Variants in SYP observed in about 807,000 individuals in gnomAD.
SYP encodes synaptophysin.
Under a neutral mutation model 24.3 loss-of-function variants are expected in SYP, and 2 were observed. The observed-to-expected ratio is 0.08, with a 90% CI of 0.03 to 0.26. SYP has a LOEUF of 0.26. SYP is among the 10% of genes least tolerant of loss of function. SYP has a pLI of 1.00. For synonymous variants in SYP, 143 were observed against 123.2 expected, an observed-to-expected ratio of 1.16 and a Z score of -1.07; for missense variants, 216 against 266.3, an observed-to-expected ratio of 0.81 and a Z score of 1.32.
intron 2 of SYP, chrX:49,198,121 GTCTCTGTTTCTCTCGGTA>G: frequency 5.5e-6 from 2 of 365,699 alleles, no homozygotes; most frequent in Non-Finnish European, 9.6e-6. Context: ...ATCTCACTGT[GTCTCTGTTTCTCTCGGTA>G]TCTCTGTTTC....
At chrX:49,191,851 G>C in intron 5 of SYP, 88 bp from the exon 6 acceptor site, 3 of 1,006,310 alleles carry the variant, frequency 3.0e-6, no homozygotes, top group South Asian at 2.0e-5. Flanking sequence ...GAATGAATCC[G>C]TAGGCTCCGC....
intron 2 of SYP, chrX:49,198,206 C>T (rs1385325204): frequency 1.6e-5 from 4 of 245,106 alleles, no homozygotes; most frequent in Non-Finnish European, 2.2e-5. Flanking sequence ...CTCTGATCCT[C>T]TCTGCCTCTG....
rs2065539638 is a variant in SYP, at chrX:49,198,964, T to C, written c.102+4A>G. 1 of 1,208,087 alleles carries C rather than the reference T, an allele frequency of 8.3e-7. No individual in the cohort carries two copies. Among genetic ancestry groups the C allele is most frequent in the African/African-American group, 1.8e-5 (1 of 56,592 alleles). On this transcript the variant is annotated splice_donor_region_variant and intron_variant, in intron 2 of 6. Transcript: ENST00000263233. Reference sequence around the variant, plus strand: ...TCTGCCCCAACAGCCCGGACCACACTCACCCATTGCAGCACCTTCACAAAG... The same window carrying C: ...TCTGCCCCAACAGCCCGGACCACACCCACCCATTGCAGCACCTTCACAAAG...
At chrX:49,192,072 AAT>A (rs2065511910) in intron 5 of SYP, among the ~76,000 whole-genome samples, 1 of 113,146 alleles carries the variant, frequency 8.8e-6, no homozygotes, top group South Asian at 3.5e-4. Context: ...GTAAATTTGT[AAT>A]ATATTCATAG....
chrX:49,191,478 C>T lies in SYP; in HGVS notation c.901G>A (p.Gly301Ser). ...PQGDYGQQGY[G>S]PQGAPTSFSN... The stretch of plus-strand genomic sequence containing the variant: ...AAGGAGGTGGGTGCACCCTGCGGGC[C>T]GTAGCCTTGCTGCCCATAGTCGCCC... The change falls in exon 6 of 7, where the codon GGC (glycine) becomes AGC (serine). Residue 301 changes from glycine to serine, a missense_variant. By Grantham distance (56) the Gly-to-Ser change is moderately conservative. Coordinates refer to ENST00000263233, the MANE Select transcript of SYP (RefSeq NM_003179.3). 3.3e-6 allele frequency: 4 copies of T among 1,211,568 alleles called. No individual in the cohort carries two copies. Among genetic ancestry groups the T allele is most frequent in the South Asian group, 1.8e-5 (1 of 56,964 alleles).
At chrX:49,192,649 AG>A (rs1337121607) in intron 5 of SYP, among the ~76,000 whole-genome samples, 1 of 112,287 alleles carries the variant, frequency 8.9e-6, no homozygotes, top group African/African-American at 3.2e-5. Context: ...GAGGCCCTAG[AG>A]GCTAAGTTAC....
At position 49,191,589 on chromosome X, in the gene SYP, G is replaced by T. The variant is rs782677031; in HGVS notation, c.790C>A (p.Pro264Thr). 8.3e-7 allele frequency: 1 copy of T among 1,209,355 alleles called. No homozygotes were observed. The highest frequency in any genetic ancestry group is 1.1e-6 in the Non-Finnish European group (1 of 894,769). The stretch of plus-strand genomic sequence containing the variant: ...CCCTGAGGCCCGTAGGAATCCTGGG[G>T]CCCGTACCCGCCGGGGCCCTGCCCG... The part of the protein sequence containing the change: ...GYGQGPGGYG[P>T]QDSYGPQGGY... Residue 264 changes from proline (P) to threonine (T), a missense_variant, in exon 6 of 7, where the codon CCC becomes ACC. Pro to Thr is a conservative substitution (Grantham distance 38). Transcript: ENST00000263233.
chrX:49,191,332 A>G (rs1557102659), intron 6 of SYP, 101 bp downstream of exon 6: 4 of 996,392 alleles, frequency 4.0e-6, no homozygotes, highest in Non-Finnish European at 5.5e-6. Context: ...TGCCCCAGTA[A>G]ACGCCTTACG....
chrX:49,197,901 C>T, intron 2 of SYP, 62 bp from the exon 3 acceptor site: 1 of 1,195,927 alleles, frequency 8.4e-7, no homozygotes, highest in Non-Finnish European at 1.1e-6. Flanking sequence ...GGGAGGTGCC[C>T]TCCTCTGGAC....
chrX:49,196,423 C>A (rs1263230958), intron 3 of SYP, among the ~76,000 whole-genome samples: 1 of 111,655 alleles, frequency 9.0e-6, no homozygotes. Flanking sequence ...ACTCGAAGAC[C>A]CCCAGTTTCC....
At position 49,194,174 on chromosome X, in the gene SYP, G is replaced by A. The variant is rs1557103132; in HGVS notation, c.415C>T (p.Pro139Ser). Residue 139 changes from proline (P) to serine (S), a missense_variant, in exon 4 of 7, where the codon CCC (proline) becomes TCC (serine). This residue lies in a region of SYP where 102 missense variants were observed against 158.4 expected (regional missense o/e 0.64). Transcript: ENST00000263233. ...TGGCTGTGGGGACTCACCAGCATGG[G>A]CCCTTTGTTATTCTCTCGGTACTTG... ...QNKYRENNKG[P>S]MLDFLATAVF... The A allele has an allele frequency of 2.5e-6, 3 of 1,211,302 alleles. No individual in the cohort carries two copies. Among genetic ancestry groups the A allele is most frequent in the Non-Finnish European group, 3.4e-6 (3 of 895,392 alleles).
intron 6 of SYP, among the ~76,000 whole-genome samples, chrX:49,189,899 G>A (rs921512437): frequency 8.9e-6 from 1 of 111,862 alleles, no homozygotes; most frequent in Middle Eastern, 4.6e-3. Flanking sequence ...GATGCTGTGA[G>A]TAGAACAGAA....
Position 49,191,569 on chromosome X carries a change from AGGCCCGTAGGAATCCTGG to A in SYP, c.792_809del (p.Asp266_Gln271del). 2 of 1,209,867 alleles carry A rather than the reference AGGCCCGTAGGAATCCTGG, an allele frequency of 1.7e-6. No homozygotes were observed. Among genetic ancestry groups the A allele is most frequent in the Non-Finnish European group, 2.2e-6 (2 of 895,080 alleles). ...CATAGTCAGGCTGGTAGCCGCCCTG[AGGCCCGTAGGAATCCTGG>A]GGCCCGTACCCGCCGGGGCCCTGCC... is the stretch of plus-strand genomic sequence containing the variant. On this transcript the variant is annotated inframe_deletion, in exon 6 of 7. Transcript: ENST00000263233.
chrX:49,196,786 G>A (rs2065529508), intron 3 of SYP, among the ~76,000 whole-genome samples: 3 of 111,836 alleles, frequency 2.7e-5, no homozygotes, highest in African/African-American at 6.5e-5. Flanking sequence ...CTAGCACCCA[G>A]TGTATTGCCC....
In SYP at chrX:49,194,261, C is replaced by T. The variant is rs1323740914; in HGVS notation, c.328G>A (p.Val110Met). Residue 110 changes from valine (V) to methionine (M), a missense_variant, in exon 4 of 7, where the codon GTG (valine) becomes ATG (methionine). Val to Met is a conservative substitution (Grantham distance 21, BLOSUM62 1). Transcript: ENST00000263233. ...YSSSAEFFVT[V>M]AVFAFLYSMG... ...GAGTAGAGGAAGGCAAACACGGCCACGGTGACAAAGAATTCGGCTGACGAG... is the reference window on the plus strand; with the variant it reads ...GAGTAGAGGAAGGCAAACACGGCCATGGTGACAAAGAATTCGGCTGACGAG... 2.1e-5 allele frequency: 26 copies of T among 1,209,466 alleles called. No individual in the cohort carries two copies. The highest frequency in any genetic ancestry group is 1.5e-4 in the Admixed American group (7 of 45,697).
intron 6 of SYP, chrX:49,191,009 C>CACCATCTATTGGCCTT (rs2065505714): frequency 1.1e-5 from 2 of 182,445 alleles, no homozygotes; most frequent in Non-Finnish European, 2.1e-5. Flanking sequence ...CATTTACCCT[C>CACCATCTATTGGCCTT]ACCATCTATT....
chrX:49,195,243 C>G (rs1173815916), intron 3 of SYP, among the ~76,000 whole-genome samples: 4 of 108,505 alleles, frequency 3.7e-5, no homozygotes, highest in Non-Finnish European at 7.7e-5. Context: ...TGTGTTTTCA[C>G]CTCCGTTTAT....
At chrX:49,196,422 C>T (rs2065528431) in intron 3 of SYP, among the ~76,000 whole-genome samples, 1 of 111,763 alleles carries the variant, frequency 8.9e-6, no homozygotes, top group Non-Finnish European at 1.9e-5. Context: ...TACTCGAAGA[C>T]CCCCAGTTTC....
At chrX:49,196,012 C>T (rs2065527152) in intron 3 of SYP, among the ~76,000 whole-genome samples, 1 of 110,718 alleles carries the variant, frequency 9.0e-6, no homozygotes, top group African/African-American at 3.3e-5. Context: ...AATGAGAGGT[C>T]CTTGGGTATT....
Sources: gnomAD v4.1 joint callset for allele counts (sites outside exome capture counted in the v4.1 genomes callset) on GRCh38, gnomAD v4.1.1 for gene constraint, gnomAD v4.1.1 regional missense constraint, MANE v1.5 for transcripts, NCBI Gene and HGNC (gene_info 2026-07-23, HGNC 2026-07-21) for gene names.